Variants in PDGFD observed in about 807,000 individuals in gnomAD.
PDGFD encodes the protein platelet-derived growth factor D.
A neutral mutation model predicts 44.7 loss-of-function variants in PDGFD; 30 were observed. That is an observed-to-expected ratio of 0.67 (90% CI 0.50 to 0.91). PDGFD has a LOEUF of 0.91. PDGFD is among the 40% of genes least tolerant of loss of function. The pLI, the probability that PDGFD is intolerant of heterozygous loss-of-function variation, is 0.00. For missense variants in PDGFD, 445 were observed against 457.8 expected (o/e 0.97, Z 0.25); for synonymous variants, 173 against 168.4 (o/e 1.03, Z -0.21).
At chr11:104,037,294 T>C (rs755864381) in intron 1 of PDGFD, 2 of 1,613,540 alleles carry the variant, frequency 1.2e-6, no homozygotes, top group South Asian at 1.1e-5. Flanking sequence ...CCACGATCTG[T>C]CCCTGCTCAA....
intron 1 of PDGFD, among the ~76,000 whole-genome samples, chr11:104,132,536 T>C (rs1006393275): frequency 1.3e-5 from 2 of 152,086 alleles, no homozygotes; most frequent in Non-Finnish European, 2.9e-5. Flanking sequence ...ACTACTTGCA[T>C]TATCTTTTCA....
chr11:104,108,592 C>A (rs1861502460), intron 1 of PDGFD, among the ~76,000 whole-genome samples: 1 of 152,212 alleles, frequency 6.6e-6, no homozygotes, highest in Admixed American at 6.6e-5. Context: ...AACACTTTTA[C>A]ACTGTTGGTG....
intron 6 of PDGFD, among the ~76,000 whole-genome samples, chr11:103,911,540 T>A (rs1409882877): frequency 6.6e-6 from 1 of 152,036 alleles, no homozygotes; most frequent in Non-Finnish European, 1.5e-5. Context: ...GCAGAAACAC[T>A]GAAAATTCCA....
intron 5 of PDGFD, among the ~76,000 whole-genome samples, chr11:103,932,378 G>C (rs921965345): frequency 6.6e-6 from 1 of 152,166 alleles, no homozygotes; most frequent in Non-Finnish European, 1.5e-5. Flanking sequence ...TTCTGAACAT[G>C]TTTAAGGTAG....
chr11:104,129,656 G>A (rs114516687), intron 1 of PDGFD, among the ~76,000 whole-genome samples: 2,205 of 152,250 alleles, frequency 0.014, 64 homozygotes, highest in African/African-American at 0.05. Flanking sequence ...GAAACTTCAA[G>A]TTAAATACTG....
At chr11:103,912,391 T>C (rs1858041973) in intron 6 of PDGFD, among the ~76,000 whole-genome samples, 2 of 152,112 alleles carry the variant, frequency 1.3e-5, no homozygotes, top group Non-Finnish European at 2.9e-5. Context: ...GCTTCCTAAG[T>C]GAAGGAGAAA....
At chr11:103,977,290 T>C (rs1463977779) in intron 3 of PDGFD, among the ~76,000 whole-genome samples, 1 of 152,106 alleles carries the variant, frequency 6.6e-6, no homozygotes, top group African/African-American at 2.4e-5. Context: ...CCATTCCTTC[T>C]GAAACTATCC....
intron 3 of PDGFD, among the ~76,000 whole-genome samples, chr11:103,961,237 G>C (rs985017691): frequency 9.2e-5 from 14 of 152,180 alleles, no homozygotes; most frequent in African/African-American, 3.4e-4. Flanking sequence ...AGATTCAAAT[G>C]AGATGAGTAA....
intron 1 of PDGFD, among the ~76,000 whole-genome samples, chr11:104,040,420 T>A (rs991475009): frequency 1.3e-5 from 2 of 152,078 alleles, no homozygotes; most frequent in Non-Finnish European, 2.9e-5. Context: ...TTAAAAATCG[T>A]CTTTCAAATT....
chr11:104,011,491 G>C (rs1051617332), intron 1 of PDGFD, among the ~76,000 whole-genome samples: 2 of 151,770 alleles, frequency 1.3e-5, no homozygotes, highest in Non-Finnish European at 2.9e-5. Context: ...TAATTTCTTC[G>C]CATGTTAACA....
chr11:104,080,923 A>G (rs1027831862), intron 1 of PDGFD, among the ~76,000 whole-genome samples: 9 of 152,186 alleles, frequency 5.9e-5, no homozygotes, highest in African/African-American at 1.9e-4. Context: ...GTCAATAATC[A>G]GTACCATCCT....
intron 1 of PDGFD, among the ~76,000 whole-genome samples, chr11:104,068,592 CT>C (rs1214195665): frequency 2.0e-5 from 3 of 152,026 alleles, no homozygotes; most frequent in Non-Finnish European, 4.4e-5. Flanking sequence ...TATATAGTTT[CT>C]TCATTTCATA....
intron 1 of PDGFD, among the ~76,000 whole-genome samples, chr11:104,025,178 G>A (rs1860023862): frequency 6.6e-6 from 1 of 152,182 alleles, no homozygotes; most frequent in African/African-American, 2.4e-5. Context: ...CTGCATAAAA[G>A]TTTGAGATCT....
intron 1 of PDGFD, among the ~76,000 whole-genome samples, chr11:104,013,499 C>T (rs1291755321): frequency 2.0e-5 from 3 of 152,124 alleles, no homozygotes; most frequent in Non-Finnish European, 4.4e-5. Flanking sequence ...CTGCATGCTC[C>T]CTGTCCTGCA....
intron 1 of PDGFD, among the ~76,000 whole-genome samples, chr11:104,151,608 C>T (rs1862246465): frequency 6.6e-6 from 1 of 152,080 alleles, no homozygotes; most frequent in East Asian, 1.9e-4. Flanking sequence ...TTATTTCGCA[C>T]ATCACACATT....
intron 1 of PDGFD, among the ~76,000 whole-genome samples, chr11:104,004,768 A>G (rs1426655443): frequency 6.6e-6 from 1 of 151,734 alleles, no homozygotes; most frequent in Admixed American, 6.6e-5. Flanking sequence ...AGCAATTTGC[A>G]TACTTCATTT....
chr11:104,149,931 C>G (rs539633120), intron 1 of PDGFD, among the ~76,000 whole-genome samples: 1 of 152,162 alleles, frequency 6.6e-6, no homozygotes, highest in South Asian at 2.1e-4. Flanking sequence ...TCTTCTGTTC[C>G]CATCACTTAA....
At chr11:103,994,233 T>C (rs1859500978) in intron 3 of PDGFD, among the ~76,000 whole-genome samples, 2 of 152,226 alleles carry the variant, frequency 1.3e-5, no homozygotes, top group Admixed American at 6.5e-5. Flanking sequence ...ACATTAGCAC[T>C]AATAGTGCTT....
At chr11:104,130,887 T>C (rs926714485) in intron 1 of PDGFD, among the ~76,000 whole-genome samples, 1 of 152,200 alleles carries the variant, frequency 6.6e-6, no homozygotes, top group Non-Finnish European at 1.5e-5. Context: ...AAAAAGGCCA[T>C]CAATTATAAG....
Sources: gnomAD v4.1 joint callset for allele counts (sites outside exome capture counted in the v4.1 genomes callset) on GRCh38, gnomAD v4.1.1 for gene constraint, MANE v1.5 for transcripts, NCBI Gene and HGNC (gene_info 2026-07-23, HGNC 2026-07-21) for gene names.